Variants in DCX observed in about 807,000 individuals in gnomAD.
The protein encoded by DCX is neuronal migration protein doublecortin.
Under a neutral mutation model 20.9 loss-of-function variants are expected in DCX, and 4 were observed. The observed-to-expected ratio is 0.19, with a 90% confidence interval of 0.09 to 0.44. DCX has a LOEUF of 0.44. Ranked by LOEUF, DCX falls within the 20% of genes least tolerant of loss-of-function variation. DCX has a pLI of 0.99. For synonymous variants in DCX, 103 were observed against 111.4 expected (o/e 0.92, Z 0.47); for missense variants, 133 against 296.9 (o/e 0.45, Z 4.06).
chrX:111,341,826 G>A (rs190226378), intron 3 of DCX, among the ~76,000 whole-genome samples: 1 of 110,851 alleles, frequency 9.0e-6, no homozygotes, highest in African/African-American at 3.3e-5. Context: ...AACAAATGCC[G>A]AGGGATTTCA....
chrX:111,319,647 C>T (rs1177428275), intron 5 of DCX, among the ~76,000 whole-genome samples: 1 of 112,188 alleles, frequency 8.9e-6, no homozygotes, highest in Non-Finnish European at 1.9e-5. Context: ...TAATGGACCA[C>T]CTACAGTGCC....
chrX:111,353,163 T>G (rs1219420410), intron 3 of DCX, among the ~76,000 whole-genome samples: 2 of 111,529 alleles, frequency 1.8e-5, no homozygotes, highest in Non-Finnish European at 3.8e-5. Context: ...CTGCTGTTTT[T>G]CAAACAAATC....
intron 3 of DCX, among the ~76,000 whole-genome samples, chrX:111,390,452 A>G (rs925146933): frequency 3.6e-5 from 4 of 112,170 alleles, no homozygotes; most frequent in African/African-American, 1.3e-4. Flanking sequence ...CTACACAGCA[A>G]TAGACAATTA....
chrX:111,353,922 C>T (rs1468983339), intron 3 of DCX, among the ~76,000 whole-genome samples: 1 of 111,904 alleles, frequency 8.9e-6, no homozygotes, highest in Non-Finnish European at 1.9e-5. Context: ...CTTGTTTATA[C>T]AATCATCGAA....
chrX:111,338,877 G>T (rs988177071), intron 3 of DCX, among the ~76,000 whole-genome samples: 1 of 111,053 alleles, frequency 9.0e-6, no homozygotes, highest in Non-Finnish European at 1.9e-5. Context: ...AACTCAATCC[G>T]ATCAGGCTTC....
At chrX:111,391,133 G>A (rs1160914960) in intron 3 of DCX, among the ~76,000 whole-genome samples, 2 of 111,155 alleles carry the variant, frequency 1.8e-5, no homozygotes, top group Non-Finnish European at 3.8e-5. Flanking sequence ...TTGGAGGCGG[G>A]ACCTGGTGGG....
chrX:111,403,512 T>C lies in DCX; in HGVS notation c.365-2182A>G. 3.6e-5 allele frequency among the ~76,000 whole-genome samples: 4 copies of C among 111,342 alleles called. 1 individual carries two copies. The Middle Eastern group carries it at 0.019, about 518-fold the overall frequency. On this transcript the variant is annotated intron_variant, in intron 2 of 6. Coordinates refer to ENST00000636035, the MANE Select transcript of DCX (RefSeq NM_001195553.2). Reference sequence around the variant, plus strand: ...CAGAGGGCCCAGCCTCAGCCAAATCTATGTTGAGCACCTTCCAGTGGTACA... The same window carrying C: ...CAGAGGGCCCAGCCTCAGCCAAATCCATGTTGAGCACCTTCCAGTGGTACA...
intron 4 of DCX, 61 bp from the exon 5 acceptor site, chrX:111,331,102 C>T (rs1228678020): frequency 3.5e-6 from 4 of 1,158,939 alleles, no homozygotes. Flanking sequence ...ATGTTATCAG[C>T]CTCTGGAAAC....
chrX:111,334,511 C>T (rs192733516), intron 3 of DCX, among the ~76,000 whole-genome samples: 23 of 112,338 alleles, frequency 2.0e-4, no homozygotes, highest in African/African-American at 6.8e-4. Context: ...CTGGTAAGTA[C>T]TTCCAAATCT....
At chrX:111,389,738 C>T (rs1926793860) in intron 3 of DCX, among the ~76,000 whole-genome samples, 1 of 111,365 alleles carries the variant, frequency 9.0e-6, no homozygotes, top group Admixed American at 9.5e-5. Flanking sequence ...AATAACCCTA[C>T]TTCTTGCCCT....
chrX:111,337,201 C>A (rs918724222), intron 3 of DCX, among the ~76,000 whole-genome samples: 1 of 111,782 alleles, frequency 8.9e-6, no homozygotes, highest in Non-Finnish European at 1.9e-5. Context: ...TACAGCATTA[C>A]AGCATCCTCA....
chrX:111,335,957 GA>G (rs1472331261), intron 3 of DCX, among the ~76,000 whole-genome samples: 1 of 110,232 alleles, frequency 9.1e-6, no homozygotes, highest in Non-Finnish European at 1.9e-5. Context: ...CGAAAAAAAA[GA>G]AAGAAAGAAA....
chrX:111,408,494 C>T (rs1156452512), intron 2 of DCX, among the ~76,000 whole-genome samples: 3 of 109,800 alleles, frequency 2.7e-5, no homozygotes, highest in African/African-American at 1.0e-4. Flanking sequence ...GTGGCACATG[C>T]CTGTAATCTC....
At chrX:111,390,919 C>T (rs1207273956) in intron 3 of DCX, among the ~76,000 whole-genome samples, 1 of 107,746 alleles carries the variant, frequency 9.3e-6, no homozygotes, top group African/African-American at 3.4e-5. Flanking sequence ...GTGGGAGACT[C>T]GCTTGAGCCC....
intron 4 of DCX, among the ~76,000 whole-genome samples, chrX:111,331,510 T>C (rs1397407581): frequency 1.8e-5 from 2 of 112,114 alleles, no homozygotes; most frequent in Non-Finnish European, 3.8e-5. Flanking sequence ...GATAGACACA[T>C]GATGGATATC....
chrX:111,347,157 C>T (rs1292437576), intron 3 of DCX, among the ~76,000 whole-genome samples: 1 of 111,304 alleles, frequency 9.0e-6, no homozygotes, highest in Non-Finnish European at 1.9e-5. Context: ...AATCTAAAAC[C>T]CATAATTAAA....
intron 5 of DCX, among the ~76,000 whole-genome samples, chrX:111,327,327 T>C: frequency 8.9e-6 from 1 of 112,062 alleles, no homozygotes; most frequent in Admixed American, 9.5e-5. Flanking sequence ...ACCTAACCTA[T>C]TATCATTTGG....
intron 2 of DCX, among the ~76,000 whole-genome samples, chrX:111,407,175 C>T (rs1017335245): frequency 4.5e-5 from 5 of 111,776 alleles, no homozygotes; most frequent in African/African-American, 1.6e-4. Flanking sequence ...TCCCACTTTA[C>T]AGATGACAAA....
intron 5 of DCX, among the ~76,000 whole-genome samples, chrX:111,318,093 G>A (rs1265611704): frequency 9.5e-6 from 1 of 104,923 alleles, no homozygotes; most frequent in Admixed American, 1.0e-4. Flanking sequence ...GCTGAGGCAG[G>A]AGAATCGCTT....
Sources: allele counts gnomAD v4.1 joint callset (sites outside exome capture counted in the v4.1 genomes callset), GRCh38; gene constraint gnomAD v4.1.1; transcripts MANE v1.5; gene names NCBI Gene and HGNC (gene_info 2026-07-23, HGNC 2026-07-21).